The following COL5A2 variants were observed in gnomAD, a reference collection of about 807,000 sequenced individuals.
COL5A2 encodes the protein collagen type V alpha 2 chain.
A neutral mutation model predicts 208.2 loss-of-function variants in COL5A2; 23 were observed. That is an observed-to-expected ratio of 0.11 (90% CI 0.08 to 0.16). The LOEUF (loss-of-function observed/expected upper bound fraction) is 0.16, where lower values mean the gene tolerates loss of function less well. COL5A2 is among the 10% of genes least tolerant of loss of function. The pLI is 1.00. For synonymous variants in COL5A2, 625 were observed against 628.5 expected (o/e 0.99, Z 0.08); for missense variants, 1,590 against 1,956.4 (o/e 0.81, Z 3.53).
intron 6 of COL5A2, among the ~76,000 whole-genome samples, chr2:189,092,864 A>G (rs1686817705): frequency 6.6e-6 from 1 of 152,066 alleles, no homozygotes; most frequent in South Asian, 2.1e-4. Flanking sequence ...CTTCCCCCCA[A>G]AATTCAAGAA....
chr2:189,422,042 T>C, the COL5A2 span, among the ~76,000 whole-genome samples: 1 of 152,174 alleles, frequency 6.6e-6, no homozygotes, highest in African/African-American at 2.4e-5. Context: ...GAAGGCATTC[T>C]TAGACAAATT....
chr2:189,292,334 G>T, the COL5A2 span, among the ~76,000 whole-genome samples: 1 of 152,122 alleles, frequency 6.6e-6, no homozygotes, highest in Admixed American at 6.5e-5. Flanking sequence ...CTATAAGGAA[G>T]ATATCTCACC....
chr2:189,052,287 C>A, intron 40 of COL5A2, 62 bp from the exon 41 acceptor site: 1 of 1,516,530 alleles, frequency 6.6e-7, no homozygotes, highest in South Asian at 1.1e-5. Context: ...CATGTATTTT[C>A]CTGGGATTTT....
the COL5A2 span, among the ~76,000 whole-genome samples, chr2:189,365,269 C>T: frequency 1.3e-5 from 2 of 152,292 alleles, no homozygotes; most frequent in South Asian, 2.1e-4. Context: ...GTTAGTTATT[C>T]GCAGTTGCTT....
intron 1 of COL5A2, among the ~76,000 whole-genome samples, chr2:189,147,819 G>A (rs946013297): frequency 3.9e-5 from 6 of 151,944 alleles, no homozygotes; most frequent in Middle Eastern, 3.2e-3. Flanking sequence ...AATACCCCAG[G>A]GCCCCAGCAA....
At chr2:189,037,464 G>A (rs7424790) in intron 51 of COL5A2, among the ~76,000 whole-genome samples, 94,062 of 152,026 alleles carry the variant, frequency 0.62, 34,276 homozygotes, top group Non-Finnish European at 0.81. Context: ...GAAAGTGTCG[G>A]AATGTAATGT....
At position 189,197,055 on chromosome 2, in the gene COL5A2, C is replaced by A. The variant is rs186344747; in HGVS notation, c.-42+28093G>T. Among the ~76,000 whole-genome samples the A allele has an allele frequency of 2.6e-5, 4 of 152,126 alleles. No individual in the cohort carries two copies. The East Asian group carries it at 7.7e-4, about 29-fold the overall frequency. On this transcript the variant is annotated intron_variant, in intron 1 of 10. Coordinates refer to the COL5A2 transcript ENST00000649966. The stretch of plus-strand genomic sequence containing the variant: ...CAAAGACATGGAACCAACGCAAATG[C>A]CCATCACTGACAGACTGGATACATA...
At chr2:189,378,764 A>C in the COL5A2 span, among the ~76,000 whole-genome samples, 1 of 151,738 alleles carries the variant, frequency 6.6e-6, no homozygotes, top group African/African-American at 2.4e-5. Context: ...GACATTGCAG[A>C]TACTAAGAAA....
chr2:189,260,947 C>G, the COL5A2 span, among the ~76,000 whole-genome samples: 1 of 152,034 alleles, frequency 6.6e-6, no homozygotes, highest in Non-Finnish European at 1.5e-5. Context: ...TTTCCAGAAA[C>G]AAAAGTTCAG....
rs534311768 is a variant in COL5A2, at chr2:189,132,996, A to G, written c.98-22547T>C. On this transcript the variant is annotated intron_variant, in intron 1 of 53. Coordinates refer to ENST00000374866, the MANE Select transcript of COL5A2 (RefSeq NM_000393.5). ...TTCTGGAAATAACAGTTGGGGAGAT[A>G]TAAGCAATTTCTCAGAGATAAAGAA... 865 of 153,832 alleles carry G rather than the reference A, an allele frequency of 5.6e-3. 6 individuals are homozygous for G. The highest frequency in any genetic ancestry group is 0.01 in the Non-Finnish European group (696 of 68,154). 9.5% of individuals were successfully genotyped at this position (153,832 alleles called of 1,614,324 possible).
chr2:189,417,815 T>C, the COL5A2 span, among the ~76,000 whole-genome samples: 9 of 151,416 alleles, frequency 5.9e-5, no homozygotes, highest in African/African-American at 1.5e-4. Flanking sequence ...TGTGTGTGTG[T>C]ATATATATAT....
chr2:189,380,036 TTA>T, the COL5A2 span, among the ~76,000 whole-genome samples: 15 of 149,948 alleles, frequency 1.0e-4, no homozygotes, highest in Admixed American at 2.0e-4. Flanking sequence ...GTGAAATATT[TTA>T]TATATATATA....
At chr2:189,211,877 A>G (rs1015371997) in intron 1 of COL5A2, among the ~76,000 whole-genome samples, 35 of 152,298 alleles carry the variant, frequency 2.3e-4, no homozygotes, top group African/African-American at 7.7e-4. Flanking sequence ...CAATATATAA[A>G]TGTGTGGGTA....
At chr2:189,252,412 C>T in the COL5A2 span, among the ~76,000 whole-genome samples, 2 of 152,172 alleles carry the variant, frequency 1.3e-5, no homozygotes, top group African/African-American at 4.8e-5. Context: ...CACATATACA[C>T]CATGGAATAC....
At chr2:189,338,849 CATT>C in the COL5A2 span, among the ~76,000 whole-genome samples, 63 of 152,040 alleles carry the variant, frequency 4.1e-4, no homozygotes, top group African/African-American at 1.5e-3. Context: ...TTAAGTGACT[CATT>C]GCTGCTGCTG....
At chr2:189,124,466 T>A (rs928139118) in intron 1 of COL5A2, among the ~76,000 whole-genome samples, 1 of 152,122 alleles carries the variant, frequency 6.6e-6, no homozygotes, top group Admixed American at 6.6e-5. Context: ...GAAATGAAAT[T>A]TTTCCCCAGA....
At chr2:189,347,129 G>A in the COL5A2 span, among the ~76,000 whole-genome samples, 1 of 152,170 alleles carries the variant, frequency 6.6e-6, no homozygotes, top group African/African-American at 2.4e-5. Flanking sequence ...CACAGCCCTA[G>A]CATTACAAAC....
rs977340518 is a variant in COL5A2 at position 189,084,429 on chromosome 2, C to T, written c.799-392G>A. On this transcript the variant is annotated intron_variant, in intron 11 of 53. Transcript: ENST00000374866. ...GTATTGCTTCTTAAAATACTACTTT[C>T]CATTTCTTTCCTGTGGTTAAAAAGA... Among the ~76,000 whole-genome samples the T allele has an allele frequency of 3.9e-5, 6 of 152,122 alleles. No individual in the cohort carries two copies. In the East Asian group the frequency reaches 7.7e-4, roughly 20 times the overall value.
At chr2:189,275,215 T>C in the COL5A2 span, among the ~76,000 whole-genome samples, 1 of 152,120 alleles carries the variant, frequency 6.6e-6, no homozygotes, top group African/African-American at 2.4e-5. Context: ...ATAGAAGTTA[T>C]TAATTATATT....
Sources: allele counts gnomAD v4.1 joint callset (sites outside exome capture counted in the v4.1 genomes callset), GRCh38; gene constraint gnomAD v4.1.1; transcripts MANE v1.5; gene names NCBI Gene and HGNC (gene_info 2026-07-23, HGNC 2026-07-21).